SDK1: variants seen among roughly 807,000 people sequenced by gnomAD.
The protein encoded by SDK1 is sidekick cell adhesion molecule 1.
A neutral mutation model predicts 245.5 loss-of-function variants in SDK1; 157 were observed. The observed-to-expected ratio is 0.64, with a 90% confidence interval of 0.56 to 0.73. The LOEUF is 0.73. Among genes scored for constraint, SDK1 ranks in the 30% least tolerant of loss-of-function variants. The probability of loss-of-function intolerance (pLI) is 0.00; values close to 1 mark genes in which losing one functional copy is unlikely to be tolerated. For missense variants in SDK1, 3,583 were observed against 3,002.3 expected (o/e 1.19, Z -4.52); for synonymous variants, 1,647 against 1,278.5 (o/e 1.29, Z -6.15).
At chr7:3,763,361 C>T (rs1022265105) in intron 4 of SDK1, among the ~76,000 whole-genome samples, 5 of 152,026 alleles carry the variant, frequency 3.3e-5, no homozygotes, top group South Asian at 2.1e-4. Context: ...CATTTTCATA[C>T]GTACAGAAAA....
chr7:3,774,736 G>A (rs776541652), intron 4 of SDK1, among the ~76,000 whole-genome samples: 1 of 152,132 alleles, frequency 6.6e-6, no homozygotes, highest in Admixed American at 6.5e-5. Flanking sequence ...AAAAATAGTT[G>A]TGGAATTTGG....
chr7:4,183,294 A>G (rs1186376640), intron 35 of SDK1, among the ~76,000 whole-genome samples: 2 of 152,114 alleles, frequency 1.3e-5, no homozygotes, highest in African/African-American at 4.8e-5. Context: ...AAAGTCACTA[A>G]TTTTGTGACC....
intron 19 of SDK1, among the ~76,000 whole-genome samples, chr7:4,067,619 C>T (rs1225561013): frequency 1.3e-5 from 2 of 152,270 alleles, no homozygotes; most frequent in South Asian, 2.1e-4. Flanking sequence ...GCTCCAGTGC[C>T]CTGTGTGGCT....
chr7:3,382,965 A>G (rs993290066), intron 1 of SDK1, among the ~76,000 whole-genome samples: 56 of 152,212 alleles, frequency 3.7e-4, no homozygotes, highest in African/African-American at 1.2e-3. Context: ...TTACCTTTCT[A>G]TCTTCTCACT....
In SDK1 at chr7:3,337,685, A is replaced by C. The variant is rs367730478; in HGVS notation, c.298+35801A>C. Among the ~76,000 whole-genome samples the C allele has an allele frequency of 1.5e-4, 23 of 152,338 alleles. No homozygotes were observed. In the East Asian group the frequency reaches 3.1e-3, roughly 20 times the overall value. ...TAATTTGTAGGGGAAAACCAGTCCA[A>C]ATGAGAGGAGCCTTCTCATCTGGAA... On this transcript the variant is annotated intron_variant, in intron 1 of 44. Coordinates refer to ENST00000404826, the MANE Select transcript of SDK1 (RefSeq NM_152744.4).
chr7:3,868,156 C>A (rs2057921), intron 5 of SDK1, among the ~76,000 whole-genome samples: 1 of 152,056 alleles, frequency 6.6e-6, no homozygotes, highest in Non-Finnish European at 1.5e-5. Flanking sequence ...GTCAGCCTTA[C>A]AAATTGGGAA....
chr7:3,699,787 T>C (rs1008694781), intron 4 of SDK1, among the ~76,000 whole-genome samples: 5 of 152,200 alleles, frequency 3.3e-5, no homozygotes, highest in Non-Finnish European at 5.9e-5. Context: ...CGTTGAAGAA[T>C]TGTTCAAAGA....
intron 5 of SDK1, among the ~76,000 whole-genome samples, chr7:3,840,413 C>A (rs902972688): frequency 2.6e-5 from 4 of 152,244 alleles, no homozygotes; most frequent in South Asian, 2.1e-4. Context: ...TGGGTCAGGA[C>A]TTTGTTTTAG....
At chr7:4,252,230 C>A (rs1054297407) in intron 44 of SDK1, among the ~76,000 whole-genome samples, 7 of 148,260 alleles carry the variant, frequency 4.7e-5, no homozygotes, top group Non-Finnish European at 7.4e-5. Context: ...ACAACAGGCC[C>A]CAGTGTGTGA....
At chr7:3,479,876 A>C (rs11973094) in intron 1 of SDK1, among the ~76,000 whole-genome samples, 1 of 147,606 alleles carries the variant, frequency 6.8e-6, no homozygotes, top group Admixed American at 6.7e-5. Context: ...AAAAAAAAAA[A>C]TTTTTTTTTT....
chr7:3,466,977 TCTACACAC>T (rs1249217684), intron 1 of SDK1, among the ~76,000 whole-genome samples: 5 of 107,844 alleles, frequency 4.6e-5, no homozygotes, highest in Non-Finnish European at 7.5e-5. Context: ...CCTCTCTCTC[TCTACACAC>T]ACACACACAC....
At chr7:4,057,828 C>T (rs929372467) in intron 19 of SDK1, among the ~76,000 whole-genome samples, 8 of 152,172 alleles carry the variant, frequency 5.3e-5, no homozygotes, top group Non-Finnish European at 1.0e-4. Context: ...TATATGGAGA[C>T]TACACTACTG....
chr7:4,091,645 A>C (rs1297748386), intron 22 of SDK1, among the ~76,000 whole-genome samples: 1 of 152,126 alleles, frequency 6.6e-6, no homozygotes, highest in Non-Finnish European at 1.5e-5. Flanking sequence ...CCCTGCCAAC[A>C]GCAAGGTATG....
At chr7:3,556,283 G>GT (rs1017474061) in intron 1 of SDK1, among the ~76,000 whole-genome samples, 55 of 152,186 alleles carry the variant, frequency 3.6e-4, no homozygotes, top group Admixed American at 9.2e-4. Context: ...GTTTTGTTAA[G>GT]TGGAGTAGGT....
intron 35 of SDK1, among the ~76,000 whole-genome samples, chr7:4,181,930 C>G (rs1782624981): frequency 6.6e-6 from 1 of 151,636 alleles, no homozygotes; most frequent in South Asian, 2.1e-4. Context: ...TCTTTTTTTT[C>G]TTTTTTTGAG....
rs139127183 is a variant in SDK1, at chr7:3,786,024, G to C, written c.714-35426G>C. Among the ~76,000 whole-genome samples, 9 of 152,328 alleles carry C rather than the reference G, an allele frequency of 5.9e-5. No homozygotes were observed. The East Asian group carries it at 1.7e-3, about 29-fold the overall frequency. The stretch of plus-strand genomic sequence containing the variant: ...TGTCATATAATGCAGTTGTGCTCGT[G>C]TAGGTAACACAAATGTGGTCTCTTT... On this transcript the variant is annotated intron_variant, in intron 4 of 44. Transcript: ENST00000404826.
chr7:3,980,478 C>T (rs1260804442), intron 13 of SDK1, among the ~76,000 whole-genome samples: 2 of 152,182 alleles, frequency 1.3e-5, no homozygotes, highest in African/African-American at 4.8e-5. Flanking sequence ...CTCTACTGAT[C>T]ATTTATCTCC....
intron 5 of SDK1, among the ~76,000 whole-genome samples, chr7:3,857,831 A>G (rs1780583944): frequency 6.6e-6 from 1 of 152,226 alleles, no homozygotes; most frequent in South Asian, 2.1e-4. Flanking sequence ...ATAGAAATAC[A>G]GTAAAATAGG....
At chr7:4,051,479 T>A (rs1247397898) in intron 18 of SDK1, among the ~76,000 whole-genome samples, 159 bp from the exon 19 acceptor site, 1 of 151,892 alleles carries the variant, frequency 6.6e-6, no homozygotes, top group East Asian at 1.9e-4. Flanking sequence ...TATATTTTTA[T>A]CTCAACTTTT....
Sources: gnomAD v4.1 joint callset for allele counts (sites outside exome capture counted in the v4.1 genomes callset) on GRCh38, gnomAD v4.1.1 for gene constraint, MANE v1.5 for transcripts, NCBI Gene and HGNC (gene_info 2026-07-23, HGNC 2026-07-21) for gene names.